MIER1: variants seen among roughly 807,000 people sequenced by gnomAD.
The protein encoded by MIER1 is mesoderm induction early response protein 1.
MIER1 carries 40 observed loss-of-function variants against 75.7 expected under a neutral mutation model. That is an observed-to-expected ratio of 0.53 (90% CI 0.41 to 0.69). The LOEUF is 0.69. Ranked by LOEUF, MIER1 falls within the 30% of genes least tolerant of loss-of-function variation. MIER1 has a pLI of 0.00. For missense variants in MIER1, 574 were observed against 680.2 expected (o/e 0.84, Z 1.74); for synonymous variants, 213 against 223.4 (o/e 0.95, Z 0.42).
intron 7 of MIER1, 26 bp from the exon 8 acceptor site, chr1:66,963,061 TA>T: frequency 2.0e-6 from 3 of 1,470,368 alleles, no homozygotes; most frequent in Non-Finnish European, 2.9e-6. Context: ...TAGATCTTAC[TA>T]ATGTTTTATG....
At chr1:66,980,223 T>C (rs935523499) in intron 12 of MIER1, among the ~76,000 whole-genome samples, 1 of 152,244 alleles carries the variant, frequency 6.6e-6, no homozygotes, top group Non-Finnish European at 1.5e-5. Flanking sequence ...TTATGTAATT[T>C]TTCTATAATT....
At chr1:66,959,957 C>G in intron 7 of MIER1, 1 of 265,292 alleles carries the variant, frequency 3.8e-6, no homozygotes, top group Non-Finnish European at 7.2e-6. Context: ...TGGTGGCTCA[C>G]GCCTGTTATC....
rs1570577440 is a variant in MIER1, at chr1:66,985,896, T to C, written c.*996T>C. 2.1e-6 allele frequency: 2 copies of C among 966,380 alleles called. No homozygotes were observed. Among genetic ancestry groups the C allele is most frequent in the East Asian group, 1.1e-4 (1 of 8,740 alleles). The allele number at this position is 966,380 out of a possible 1,614,324, so 59.9% of individuals were successfully genotyped here. On this transcript the variant is annotated 3_prime_UTR_variant, in exon 14 of 14. Coordinates refer to ENST00000401041, the MANE Select transcript of MIER1 (RefSeq NM_001077700.3). ...TCTGAAATTAAGCATGATGCTTAGATTGCAGTTTGTTTTGCATTTGCTATA... is the reference window on the plus strand; with the variant it reads ...TCTGAAATTAAGCATGATGCTTAGACTGCAGTTTGTTTTGCATTTGCTATA...
intron 11 of MIER1, among the ~76,000 whole-genome samples, chr1:66,975,593 T>C (rs1328199297): frequency 6.6e-6 from 1 of 151,790 alleles, no homozygotes; most frequent in African/African-American, 2.4e-5. Flanking sequence ...CCCTAAATCC[T>C]CAGTATTTTA....
chr1:66,984,585 T>G lies in MIER1; in HGVS notation c.1383T>G (p.Asn461Lys). 1 of 1,593,578 alleles carries G rather than the reference T, an allele frequency of 6.3e-7. No homozygotes were observed. Among genetic ancestry groups the G allele is most frequent in the Non-Finnish European group, 8.5e-7 (1 of 1,172,856 alleles). Residue 461 changes from asparagine (N) to lysine (K), a missense_variant, in exon 14 of 14, where the codon AAT becomes AAG. Physicochemically the swap from Asn to Lys is moderately conservative, Grantham distance 94. This residue lies in a region of MIER1 where 164 missense variants were observed against 154.3 expected (regional missense o/e 1.06). Coordinates refer to ENST00000401041, the MANE Select transcript of MIER1 (RefSeq NM_001077700.3). Reference sequence around the variant, plus strand: ...CTTTCAACTTAGGAGTGTCATCTAATGGACCAGGTGAAATATTAAACAAAG... The same window carrying G: ...CTTTCAACTTAGGAGTGTCATCTAAGGGACCAGGTGAAATATTAAACAAAG... ...STANQNGVSS[N>K]GPGEILNKEE...
chr1:66,965,339 T>G (rs933660883), intron 8 of MIER1, among the ~76,000 whole-genome samples: 8 of 152,012 alleles, frequency 5.3e-5, no homozygotes, highest in African/African-American at 1.9e-4. Flanking sequence ...TTAAATTTCT[T>G]TTAAATTTTG....
At chr1:66,961,025 C>T (rs1006646800) in intron 7 of MIER1, among the ~76,000 whole-genome samples, 1 of 151,838 alleles carries the variant, frequency 6.6e-6, no homozygotes, top group Non-Finnish European at 1.5e-5. Flanking sequence ...AGAACAAAAG[C>T]TCAGAGGTAG....
At chr1:66,982,433 GA>G (rs1171967037) in intron 13 of MIER1, among the ~76,000 whole-genome samples, 1 of 152,084 alleles carries the variant, frequency 6.6e-6, no homozygotes, top group Non-Finnish European at 1.5e-5. Context: ...TTCTCTCCAA[GA>G]AAAAGAGAAG....
chr1:66,975,899 C>G (rs1234563236), intron 11 of MIER1, among the ~76,000 whole-genome samples: 1 of 152,166 alleles, frequency 6.6e-6, no homozygotes, highest in African/African-American at 2.4e-5. Flanking sequence ...TAAAGATACG[C>G]TCCCTAGGTA....
At chr1:66,981,230 C>A (rs1221892623) in intron 12 of MIER1, among the ~76,000 whole-genome samples, 4 of 152,016 alleles carry the variant, frequency 2.6e-5, no homozygotes, top group Non-Finnish European at 4.4e-5. Context: ...AGCTCACATA[C>A]AATGAGAAAG....
chr1:66,930,158 C>G, intron 2 of MIER1: 1 of 1,234,122 alleles, frequency 8.1e-7, no homozygotes, highest in Non-Finnish European at 1.0e-6. Context: ...CCTGCTCCGG[C>G]GCGTGCTCGC....
chr1:66,925,215 G>A (rs1651227504), intron 1 of MIER1, 120 bp downstream of exon 1: 3 of 1,394,648 alleles, frequency 2.2e-6, no homozygotes, highest in Non-Finnish European at 2.8e-6. Flanking sequence ...GTACCGCCCG[G>A]AAGACCCTTA....
intron 4 of MIER1, chr1:66,946,980 T>A: frequency 1.0e-6 from 1 of 985,518 alleles, no homozygotes; most frequent in Non-Finnish European, 1.2e-6. Context: ...GATTCTCAGT[T>A]TGGACCTTCT....
intron 4 of MIER1, among the ~76,000 whole-genome samples, chr1:66,949,811 G>T (rs1261658430): frequency 6.6e-6 from 1 of 152,136 alleles, no homozygotes; most frequent in African/African-American, 2.4e-5. Flanking sequence ...TTACACCTTG[G>T]TTGCATGAAA....
chr1:66,960,787 G>A (rs1661101561), intron 7 of MIER1, among the ~76,000 whole-genome samples: 1 of 152,208 alleles, frequency 6.6e-6, no homozygotes, highest in South Asian at 2.1e-4. Flanking sequence ...AATCACAAAA[G>A]TTAATTTGTG....
At chr1:66,930,268 G>C in intron 2 of MIER1, 1 of 1,541,008 alleles carries the variant, frequency 6.5e-7, no homozygotes, top group Non-Finnish European at 8.7e-7. Context: ...TCCCGCCGAG[G>C]CAGTGGCGGC....
At position 66,988,384 on chromosome 1, in the gene MIER1, A is replaced by T. The variant is rs1176745659; in HGVS notation, c.*3484A>T. On this transcript the variant is annotated 3_prime_UTR_variant, in exon 14 of 14. Coordinates refer to ENST00000401041, the MANE Select transcript of MIER1 (RefSeq NM_001077700.3). ...CAGAATCTTAAAGGGTTTTCCACAC[A>T]TCCATCCACCCACTTACAGACTGAT... 6.6e-6 allele frequency: 1 copy of T among 152,056 alleles called. No homozygotes were observed. Among genetic ancestry groups the T allele is most frequent in the Non-Finnish European group, 1.5e-5 (1 of 67,794 alleles). 9.4% of individuals were successfully genotyped at this position (152,056 alleles called of 1,614,324 possible).
At chr1:66,973,891 G>GT (rs1483039901) in intron 11 of MIER1, among the ~76,000 whole-genome samples, 4 of 152,062 alleles carry the variant, frequency 2.6e-5, no homozygotes, top group African/African-American at 9.7e-5. Context: ...CCAGGACCTT[G>GT]TTGAAAGTAC....
rs1570040171 is a variant in MIER1, at chr1:66,930,526, C to T, written c.168+4284C>T. The T allele has an allele frequency of 6.1e-6, 6 of 989,318 alleles. No individual in the cohort carries two copies. The East Asian group carries it at 1.4e-4, about 24-fold the overall frequency. The allele number at this position is 989,318 out of a possible 1,614,324, so 61.3% of individuals were successfully genotyped here. ...CTGGCGCCGCTGCCCACCTGTTGTC[C>T]GGAACAGGCCATTCTCTGGGCGGGA... On this transcript the variant is annotated intron_variant, in intron 2 of 13. Transcript: ENST00000401041.
Sources: allele counts gnomAD v4.1 joint callset (sites outside exome capture counted in the v4.1 genomes callset), GRCh38; gene constraint gnomAD v4.1.1; regional missense constraint gnomAD v4.1.1; transcripts MANE v1.5; gene names NCBI Gene and HGNC (gene_info 2026-07-23, HGNC 2026-07-21).